Variants in EYS observed in about 807,000 individuals in gnomAD.
EYS encodes the protein EGF-like photoreceptor maintenance factor, also known as protein eyes shut homolog.
Under a neutral mutation model 282.1 loss-of-function variants are expected in EYS, and 250 were observed. That is an observed-to-expected ratio of 0.89 (90% CI 0.80 to 0.98). The LOEUF (loss-of-function observed/expected upper bound fraction) is 0.98, where lower values mean the gene tolerates loss of function less well. Ranked by LOEUF, EYS falls within the 50% of genes least tolerant of loss-of-function variation. The pLI is 0.00. For synonymous variants in EYS, 1,355 were observed against 1,282.9 expected, an observed-to-expected ratio of 1.06 and a Z score of -1.20; for missense variants, 4,016 against 3,709.0, an observed-to-expected ratio of 1.08 and a Z score of -2.15.
At chr6:65,222,937 AAG>A (rs1178277694) in intron 12 of EYS, among the ~76,000 whole-genome samples, 2 of 152,288 alleles carry the variant, frequency 1.3e-5, no homozygotes, top group African/African-American at 4.8e-5. Context: ...AAGAAGAAGT[AAG>A]AGTCAGGGTA....
At chr6:63,922,523 A>T (rs187495389) in intron 35 of EYS, among the ~76,000 whole-genome samples, 6 of 152,182 alleles carry the variant, frequency 3.9e-5, no homozygotes, top group Admixed American at 3.3e-4. Flanking sequence ...AGATCATGCC[A>T]CTGCACTCCA....
At chr6:64,962,310 C>T (rs1413771632) in intron 14 of EYS, among the ~76,000 whole-genome samples, 1 of 148,716 alleles carries the variant, frequency 6.7e-6, no homozygotes, top group Admixed American at 6.8e-5. Flanking sequence ...CTTTATTTAT[C>T]TAGTTGTGTT....
chr6:65,674,278 C>T (rs1055144619), intron 1 of EYS, among the ~76,000 whole-genome samples: 10 of 151,430 alleles, frequency 6.6e-5, no homozygotes, highest in Admixed American at 2.0e-4. Flanking sequence ...TGAACAACCA[C>T]GTTGAAGAAG....
At chr6:65,275,801 T>A (rs1768029421) in intron 12 of EYS, among the ~76,000 whole-genome samples, 1 of 152,148 alleles carries the variant, frequency 6.6e-6, no homozygotes, top group Non-Finnish European at 1.5e-5. Flanking sequence ...TGGTGGCAGA[T>A]TGGTTACTTG....
At chr6:63,749,604 C>A (rs1028776853) in intron 41 of EYS, among the ~76,000 whole-genome samples, 1 of 152,100 alleles carries the variant, frequency 6.6e-6, no homozygotes, top group Non-Finnish European at 1.5e-5. Context: ...GGCTCTGTAT[C>A]GGCTGATATC....
intron 31 of EYS, among the ~76,000 whole-genome samples, chr6:64,176,521 G>T (rs979746880): frequency 1.3e-5 from 2 of 151,972 alleles, no homozygotes; most frequent in African/African-American, 4.8e-5. Context: ...GTGTGTGTGT[G>T]TGTGTTTGTG....
intron 2 of EYS, among the ~76,000 whole-genome samples, chr6:65,578,387 A>C (rs1177448601): frequency 6.6e-6 from 1 of 151,874 alleles, no homozygotes; most frequent in Non-Finnish European, 1.5e-5. Flanking sequence ...TCAAATTCGT[A>C]GAAAACTAGA....
chr6:64,394,052 T>C (rs1457374432), intron 28 of EYS, among the ~76,000 whole-genome samples: 1 of 151,812 alleles, frequency 6.6e-6, no homozygotes, highest in Non-Finnish European at 1.5e-5. Flanking sequence ...GAGAATAAAA[T>C]ACCTAGGAAT....
chr6:65,324,227 GT>G (rs1562096785), intron 11 of EYS, among the ~76,000 whole-genome samples: 1 of 151,934 alleles, frequency 6.6e-6, no homozygotes, highest in East Asian at 1.9e-4. Context: ...GCTTTTATTT[GT>G]TTATTTCTTC....
At chr6:65,623,557 C>T (rs1582533957) in intron 2 of EYS, among the ~76,000 whole-genome samples, 1 of 151,480 alleles carries the variant, frequency 6.6e-6, no homozygotes, top group African/African-American at 2.4e-5. Flanking sequence ...TAGTGTTGTG[C>T]CTAGGGGAAA....
At chr6:65,563,326 A>G (rs1319662810) in intron 2 of EYS, among the ~76,000 whole-genome samples, 1 of 152,154 alleles carries the variant, frequency 6.6e-6, no homozygotes, top group Non-Finnish European at 1.5e-5. Flanking sequence ...AGAATATTCA[A>G]TAATTATTTC....
intron 12 of EYS, among the ~76,000 whole-genome samples, chr6:65,178,111 T>G (rs1765274424): frequency 1.3e-5 from 2 of 151,718 alleles, no homozygotes; most frequent in Admixed American, 1.3e-4. Flanking sequence ...ACCCCCCGAG[T>G]ATCCTGCCAC....
chr6:64,028,409 A>C (rs1769642638), intron 33 of EYS, among the ~76,000 whole-genome samples: 1 of 152,250 alleles, frequency 6.6e-6, no homozygotes, highest in South Asian at 2.1e-4. Flanking sequence ...TTCTAGGAGT[A>C]CAAAAACCAA....
At chr6:65,588,710 C>A (rs966991236) in intron 2 of EYS, among the ~76,000 whole-genome samples, 1 of 152,000 alleles carries the variant, frequency 6.6e-6, no homozygotes, top group Non-Finnish European at 1.5e-5. Flanking sequence ...CAGAGAGCTA[C>A]ATTGACACAT....
intron 33 of EYS, among the ~76,000 whole-genome samples, chr6:64,054,283 T>A (rs1238751445): frequency 2.0e-5 from 3 of 152,126 alleles, no homozygotes; most frequent in African/African-American, 7.2e-5. Context: ...CAGTCTAGGC[T>A]AGCTTTCAGA....
Position 65,220,127 on chromosome 6 carries a change from T to A in EYS, c.2023+75736A>T, listed in dbSNP as rs1374302814. Among the ~76,000 whole-genome samples, 2 of 152,196 alleles carry A rather than the reference T, an allele frequency of 1.3e-5. 1 individual carries two copies. Among genetic ancestry groups the A allele is most frequent in the African/African-American group, 4.8e-5 (2 of 41,460 alleles). On this transcript the variant is annotated intron_variant, in intron 12 of 42. Transcript: ENST00000503581. ...TCTCTGCAAAACTATTTTTTTAAAC[T>A]TTTTATAGGCTCAGATTTTTGCATT...
chr6:63,813,527 A>C (rs1046673746), intron 36 of EYS, among the ~76,000 whole-genome samples: 4 of 152,094 alleles, frequency 2.6e-5, no homozygotes, highest in Non-Finnish European at 5.9e-5. Context: ...GTGTTGAAAA[A>C]ATTTTCTTAA....
intron 12 of EYS, among the ~76,000 whole-genome samples, chr6:65,112,265 T>C (rs1775235148): frequency 1.3e-5 from 2 of 152,166 alleles, no homozygotes; most frequent in South Asian, 4.1e-4. Flanking sequence ...ATTTTTATGA[T>C]AGATTTTCAA....
intron 40 of EYS, chr6:63,777,455 T>C (rs980896234): frequency 6.6e-6 from 1 of 152,566 alleles, no homozygotes; most frequent in African/African-American, 2.4e-5. Context: ...ACATAGTGCT[T>C]ACTTCCACTT....
Sources: gnomAD v4.1 joint callset for allele counts (sites outside exome capture counted in the v4.1 genomes callset) on GRCh38, gnomAD v4.1.1 for gene constraint, MANE v1.5 for transcripts, NCBI Gene and HGNC (gene_info 2026-07-23, HGNC 2026-07-21) for gene names.